KCNH6: variants seen among roughly 807,000 people sequenced by gnomAD.
KCNH6 encodes the protein potassium voltage-gated channel subfamily H member 6.
In KCNH6, 81 loss-of-function variants were observed where a neutral mutation model predicts 83.4. The ratio of observed to expected loss-of-function variants is 0.97; its 90% CI spans 0.81 to 1.17. The LOEUF (loss-of-function observed/expected upper bound fraction) is 1.17. KCNH6 is among the 50% of genes most tolerant of loss of function. The probability of loss-of-function intolerance (pLI) is 0.00; values close to 1 mark genes in which losing one functional copy is unlikely to be tolerated. For missense variants in KCNH6, 1,203 were observed against 1,290.5 expected (o/e 0.93, Z 1.04); for synonymous variants, 503 against 545.6 (o/e 0.92, Z 1.09).
chr17:63,540,326 G>A (rs1343136456), intron 8 of KCNH6, among the ~76,000 whole-genome samples: 1 of 152,040 alleles, frequency 6.6e-6, no homozygotes, highest in Non-Finnish European at 1.5e-5. Flanking sequence ...CCAGCTACTT[G>A]GGAGGCTGAG....
At position 63,533,595 on chromosome 17, in the gene KCNH6, T is replaced by A. The variant is rs541719736; in HGVS notation, c.676-291T>A. The stretch of plus-strand genomic sequence containing the variant: ...CTGCCTGGCTCCACCCACTCCAGGA[T>A]GTTTCCAAGGGAGCTTGTGAGCATC... On this transcript the variant is annotated intron_variant, in intron 4 of 12. Transcript: ENST00000314672. This position sits in a 1 kb window ranked among gnomAD's most constrained non-coding sequence, Gnocchi z 4.1. 7.9e-5 allele frequency among the ~76,000 whole-genome samples: 12 copies of A among 152,216 alleles called. 1 individual carries two copies. Among genetic ancestry groups the A allele is most frequent in the African/African-American group, 2.2e-4 (9 of 41,542 alleles).
chr17:63,545,475 G>T, intron 12 of KCNH6, 134 bp from the exon 13 acceptor site: 1 of 1,033,710 alleles, frequency 9.7e-7, no homozygotes, highest in East Asian at 2.6e-5. Context: ...AGAGCCTGCA[G>T]CTGGGGCCAG....
downstream of KCNH6, among the ~76,000 whole-genome samples, chr17:63,548,447 T>C (rs979709169): frequency 6.6e-6 from 1 of 152,168 alleles, no homozygotes; most frequent in Non-Finnish European, 1.5e-5. Flanking sequence ...ATAAGCACTG[T>C]TTGCCCCACT....
chr17:63,538,638 G>T lies in KCNH6; in HGVS notation c.1930G>T (p.Asp644Tyr). 1 of 1,599,080 alleles carries T rather than the reference G, an allele frequency of 6.3e-7. No homozygotes were observed. The highest frequency in any genetic ancestry group is 1.3e-5 in the African/African-American group (1 of 74,782). ...CCGAGGCTCCATCGAGATCCTGCGC[G>T]ACGACGTGGTCGTGGCCATCCTAGG... ...ISRGSIEILRDDVVVAILGKN... is the reference protein window; with the variant it reads ...ISRGSIEILRYDVVVAILGKN... The change falls in exon 8 of 13, where the codon GAC (aspartate) becomes TAC (tyrosine). Residue 644 changes from aspartate to tyrosine, a missense_variant. Transcript: ENST00000314672. This position sits in a 1 kb window ranked among gnomAD's most constrained non-coding sequence, Gnocchi z 4.0.
chr17:63,544,065 G>T (rs1282891674), intron 10 of KCNH6, 184 bp from the exon 11 acceptor site: 1 of 1,607,226 alleles, frequency 6.2e-7, no homozygotes, highest in African/African-American at 1.3e-5. Context: ...CAGCCTCCTG[G>T]GTCCTGGGAG....
chr17:63,542,167 G>A, intron 8 of KCNH6, 74 bp from the exon 9 acceptor site: 1 of 1,510,914 alleles, frequency 6.6e-7, no homozygotes, highest in Non-Finnish European at 9.1e-7. Context: ...GTTGGGGGAG[G>A]TCACGGTCAA....
rs1308567633 is a variant in KCNH6 at position 63,536,069 on chromosome 17, G to A, written c.1501+1G>A. ...TCCATCTGCGTCATGCTCATCGGCT[G>A]TGAGTGAGACCTCATGCCACGGCCT... On this transcript the variant is annotated splice_donor_variant, in intron 6 of 12. Transcript: ENST00000314672. LOFTEE classifies it high-confidence loss of function. 1.2e-6 allele frequency: 2 copies of A among 1,612,244 alleles called. No individual in the cohort carries two copies. Among genetic ancestry groups the A allele is most frequent in the African/African-American group, 1.3e-5 (1 of 74,930 alleles).
Position 63,534,101 on chromosome 17 carries a change from C to T in KCNH6, c.891C>T (p.Cys297=). 1 of 1,595,566 alleles carries T rather than the reference C, an allele frequency of 6.3e-7. No individual in the cohort carries two copies. Among genetic ancestry groups the T allele is most frequent in the Non-Finnish European group, 8.6e-7 (1 of 1,167,804 alleles). ...GGCGTGGGGCCTGCAGCTATACCTG[C>T]AGTCCCCTCACTGTGGTGGATCTCA... is the stretch of plus-strand genomic sequence containing the variant. ...ESRRGACSYT[C]SPLTVVDLIV... is the part of the protein sequence containing the mutation. The change falls in exon 5 of 13, where the codon TGC becomes TGT. Residue 297 remains cysteine, a synonymous_variant. Coordinates refer to ENST00000314672, the MANE Select transcript of KCNH6 (RefSeq NM_001278919.2). The surrounding 1 kb of genome is among the most constrained non-coding windows in gnomAD (Gnocchi z 5.0).
At position 63,538,791 on chromosome 17, in the gene KCNH6, C is replaced by T. The variant is rs920167826; in HGVS notation, c.1954+129C>T. ...CTTTTACTGGCAGCCACTTGCACAG[C>T]ATGTGCCCGGGAGAGCTTTAGACCC... On this transcript the variant is annotated intron_variant, in intron 8 of 12. Transcript: ENST00000314672. This position sits in a 1 kb window ranked among gnomAD's most constrained non-coding sequence, Gnocchi z 4.0. 1.0e-6 allele frequency: 1 copy of T among 976,944 alleles called. No individual in the cohort carries two copies. Among genetic ancestry groups the T allele is most frequent in the East Asian group, 2.5e-5 (1 of 39,516 alleles). 60.5% of individuals were successfully genotyped at this position (976,944 alleles called of 1,614,324 possible). A position where few individuals can be genotyped will look rare whatever the true frequency, so the allele number is the denominator to read the frequency against.
chr17:63,542,590 G>A (rs1224725378), intron 9 of KCNH6, among the ~76,000 whole-genome samples, 156 bp downstream of exon 9: 1 of 152,244 alleles, frequency 6.6e-6, no homozygotes, highest in African/African-American at 2.4e-5. Context: ...GTCATGCTAA[G>A]TATGAGGATA....
In KCNH6 at chr17:63,535,862, A is replaced by G. The variant is rs1380888935; in HGVS notation, c.1295A>G (p.His432Arg). The change falls in exon 6 of 13, where the codon CAC (histidine) becomes CGC (arginine). Residue 432 changes from histidine (H) to arginine (R), a missense_variant. Coordinates refer to ENST00000314672, the MANE Select transcript of KCNH6 (RefSeq NM_001278919.2). The surrounding 1 kb of genome is among the most constrained non-coding windows in gnomAD (Gnocchi z 4.9). ...IGNVERPYLE[H>R]KIGWLDSLGV... ...AATGTGGAGCGGCCCTACCTAGAACACAAGATCGGCTGGCTGGACAGCCTG... is the reference window on the plus strand; with the variant it reads ...AATGTGGAGCGGCCCTACCTAGAACGCAAGATCGGCTGGCTGGACAGCCTG... 19 of 1,614,064 alleles carry G rather than the reference A, an allele frequency of 1.2e-5. No individual in the cohort carries two copies. Among genetic ancestry groups the G allele is most frequent in the Non-Finnish European group, 1.5e-5 (18 of 1,180,048 alleles).
chr17:63,548,322 G>T (rs528489080), downstream of KCNH6, among the ~76,000 whole-genome samples: 1 of 152,248 alleles, frequency 6.6e-6, no homozygotes, highest in African/African-American at 2.4e-5. Flanking sequence ...AGCATTTTGG[G>T]AGGCTGAGGT....
chr17:63,543,598 C>A lies in KCNH6; in HGVS notation c.2171C>A (p.Ser724Tyr). 1 of 1,610,866 alleles carries A rather than the reference C, an allele frequency of 6.2e-7. No homozygotes were observed. The highest frequency in any genetic ancestry group is 8.5e-7 in the Non-Finnish European group (1 of 1,177,388). Reference protein sequence around the residue: ...LRDAAGGLHSSPRQAPGSQDH... With the variant: ...LRDAAGGLHSYPRQAPGSQDH... Reference sequence around the variant, plus strand: ...AAGGCAGCCGGGGGTCTCCACTCATCCCCCCGACAGGCTCCTGGCAGCCAA... The same window carrying A: ...AAGGCAGCCGGGGGTCTCCACTCATACCCCCGACAGGCTCCTGGCAGCCAA... The change falls in exon 10 of 13, where the codon TCC becomes TAC. Residue 724 changes from serine to tyrosine, a missense_variant. By Grantham distance (144) the Ser-to-Tyr change is moderately radical. Transcript: ENST00000314672.
At position 63,538,162 on chromosome 17, in the gene KCNH6, G is replaced by A. The variant is rs2032625859; in HGVS notation, c.1599G>A (p.Lys533=). Residue 533 remains lysine (K), a synonymous_variant, in exon 7 of 13, where the codon AAG becomes AAA. Coordinates refer to ENST00000314672, the MANE Select transcript of KCNH6 (RefSeq NM_001278919.2). This position sits in a 1 kb window ranked among gnomAD's most constrained non-coding sequence, Gnocchi z 4.0. ...ACCACACGCAGATGCTGCGTGTCAA[G>A]GAGTTCATCCGCTTCCACCAGATCC... ...ARYHTQMLRV[K]EFIRFHQIPN... is the part of the protein sequence containing the mutation. 6.2e-7 allele frequency: 1 copy of A among 1,614,160 alleles called. No individual in the cohort carries two copies. The highest frequency in any genetic ancestry group is 8.5e-7 in the Non-Finnish European group (1 of 1,179,976).
Position 63,545,262 on chromosome 17 carries a change from C to G in KCNH6, c.2581C>G (p.Gln861Glu), listed in dbSNP as rs1485262447. The change falls in exon 12 of 13, where the codon CAG (glutamine) becomes GAG (glutamate). Residue 861 changes from glutamine to glutamate, a missense_variant and splice_region_variant. Physicochemically the swap from Gln to Glu is conservative, Grantham distance 29. Transcript: ENST00000314672. ...RLPQGFLPPA[Q>E]TPSYGDLDDC... is the part of the protein sequence containing the mutation. ...GCCCCAGGGCTTTCTGCCTCCTGCACAGGTAAGAGGTGAGGGGATTCCCAG... is the reference window on the plus strand; with the variant it reads ...GCCCCAGGGCTTTCTGCCTCCTGCAGAGGTAAGAGGTGAGGGGATTCCCAG... The G allele has an allele frequency of 6.2e-7, 1 of 1,613,284 alleles. No individual in the cohort carries two copies. The highest frequency in any genetic ancestry group is 1.7e-5 in the Admixed American group (1 of 60,030).
chr17:63,540,058 G>A (rs938583967), intron 8 of KCNH6, among the ~76,000 whole-genome samples: 2 of 152,176 alleles, frequency 1.3e-5, no homozygotes, highest in African/African-American at 2.4e-5. Flanking sequence ...GTGCCAGTCC[G>A]GCAGATCCCA....
intron 2 of KCNH6, among the ~76,000 whole-genome samples, chr17:63,525,255 C>A (rs1206692528): frequency 6.6e-6 from 1 of 152,180 alleles, no homozygotes; most frequent in African/African-American, 2.4e-5. Flanking sequence ...AGGTAAATCC[C>A]TTCATTTCAT....
intron 4 of KCNH6, among the ~76,000 whole-genome samples, chr17:63,531,760 G>T (rs2032129524): frequency 6.6e-6 from 1 of 152,212 alleles, no homozygotes; most frequent in South Asian, 2.1e-4. Flanking sequence ...CACGGAGGGG[G>T]CTGTTAGACT....
chr17:63,536,125 T>G (rs769596049), intron 6 of KCNH6, 57 bp downstream of exon 6: 12 of 1,493,898 alleles, frequency 8.0e-6, no homozygotes, highest in Non-Finnish European at 9.2e-6. Context: ...CCCGTGAAAT[T>G]TTATGTGTAG....
Sources: gnomAD v4.1 joint callset for allele counts (sites outside exome capture counted in the v4.1 genomes callset) on GRCh38, gnomAD v4.1.1 for gene constraint, Gnocchi (gnomAD v3.1) non-coding constraint, MANE v1.5 for transcripts, NCBI Gene and HGNC (gene_info 2026-07-23, HGNC 2026-07-21) for gene names.